CERT1: variants seen among roughly 807,000 people sequenced by gnomAD.
CERT1 encodes ceramide transfer protein.
CERT1 carries 31 observed loss-of-function variants against 87.9 expected under a neutral mutation model. That is an observed-to-expected ratio of 0.35 (90% CI 0.27 to 0.48). The LOEUF is 0.48. CERT1 is among the 20% of genes least tolerant of loss of function. The pLI, the probability that CERT1 is intolerant of heterozygous loss-of-function variation, is 0.99. For missense variants in CERT1, 487 were observed against 758.0 expected (o/e 0.64, Z 4.20); for synonymous variants, 289 against 250.9 (o/e 1.15, Z -1.44).
At chr5:75,447,936 G>A (rs1489504036) in intron 3 of CERT1, among the ~76,000 whole-genome samples, 3 of 152,056 alleles carry the variant, frequency 2.0e-5, no homozygotes, top group Admixed American at 1.3e-4. Context: ...CATCATGCCC[G>A]GCTTGTATTT....
chr5:75,494,185 C>T (rs1233016989), intron 2 of CERT1, among the ~76,000 whole-genome samples: 5 of 152,174 alleles, frequency 3.3e-5, no homozygotes, highest in Non-Finnish European at 4.4e-5. Context: ...TCTTCTGACT[C>T]GAAACCCAAA....
At chr5:75,395,645 T>C (rs1283891667) in intron 11 of CERT1, among the ~76,000 whole-genome samples, 2 of 151,116 alleles carry the variant, frequency 1.3e-5, no homozygotes, top group Admixed American at 6.6e-5. Context: ...GCAGATCACT[T>C]GAGGTCAGGA....
downstream of CERT1, chr5:75,374,682 C>A: frequency 1.6e-6 from 1 of 618,188 alleles, no homozygotes; most frequent in Non-Finnish European, 3.1e-6. Context: ...AGCTATATTA[C>A]TGTGTGAGTT....
chr5:75,421,373 T>A (rs1260061076), intron 5 of CERT1, among the ~76,000 whole-genome samples: 2 of 152,240 alleles, frequency 1.3e-5, no homozygotes, highest in Non-Finnish European at 2.9e-5. Flanking sequence ...TTCATTTTTT[T>A]ATAACCACTT....
At chr5:75,376,575 TA>T (rs1761325166), downstream of CERT1, 1 of 152,176 alleles carries the variant, frequency 6.6e-6, no homozygotes, top group African/African-American at 2.4e-5. Flanking sequence ...TCAGAATCGA[TA>T]AGAAGTAATG....
downstream of CERT1, chr5:75,374,548 G>C: frequency 2.8e-6 from 2 of 715,810 alleles, no homozygotes; most frequent in East Asian, 5.4e-5. Flanking sequence ...CGTGCCTGAT[G>C]CGTGCCCAAG....
chr5:75,507,662 G>A (rs551989646), intron 1 of CERT1, among the ~76,000 whole-genome samples: 2 of 152,260 alleles, frequency 1.3e-5, no homozygotes, highest in East Asian at 1.9e-4. Context: ...CAGAGTTAGT[G>A]TATTAGATAT....
rs1174757487 is a variant in CERT1 at position 75,470,953 on chromosome 5, G to A, written c.232-11772C>T. Among the ~76,000 whole-genome samples the A allele has an allele frequency of 5.3e-5, 8 of 151,584 alleles. No individual in the cohort carries two copies. The East Asian group carries it at 9.7e-4, about 18-fold the overall frequency. ...TTTATACACTAACAATGAACTATCT[G>A]GGGAAAAAAAAGAAGAAAATAATCC... is the stretch of plus-strand genomic sequence containing the variant. On this transcript the variant is annotated intron_variant, in intron 2 of 16. Transcript: ENST00000643780.
chr5:75,404,786 A>C (rs1011662407), intron 8 of CERT1, among the ~76,000 whole-genome samples: 2 of 152,094 alleles, frequency 1.3e-5, no homozygotes, highest in African/African-American at 2.4e-5. Flanking sequence ...AGGAGGGGAG[A>C]TCACATGAGG....
intron 2 of CERT1, among the ~76,000 whole-genome samples, chr5:75,491,108 T>C (rs1766773933): frequency 6.6e-6 from 1 of 152,200 alleles, no homozygotes; most frequent in Non-Finnish European, 1.5e-5. Flanking sequence ...CCTAATTTTA[T>C]AAACTAAAGG....
At position 75,428,693 on chromosome 5, in the gene CERT1, AT is replaced by A. The variant is rs1313974463; in HGVS notation, c.349-2216del. Among the ~76,000 whole-genome samples, 17 of 151,970 alleles carry A rather than the reference AT, an allele frequency of 1.1e-4. No individual in the cohort carries two copies. The East Asian group carries it at 1.2e-3, about 10-fold the overall frequency. The stretch of plus-strand genomic sequence containing the variant: ...ACTCTGTCTCAAAAAAAAAAAAAAA[AT>A]ATTTACAAGAGGCAAAGATTATAAT... On this transcript the variant is annotated intron_variant, in intron 3 of 16. Transcript: ENST00000643780.
chr5:75,410,376 G>A (rs1353061101), intron 8 of CERT1, among the ~76,000 whole-genome samples: 1 of 152,088 alleles, frequency 6.6e-6, no homozygotes, highest in Non-Finnish European at 1.5e-5. Context: ...TTGGGAGGCT[G>A]AGGCGGGCGG....
At chr5:75,430,478 A>T (rs1236088309) in intron 3 of CERT1, among the ~76,000 whole-genome samples, 1 of 152,194 alleles carries the variant, frequency 6.6e-6, no homozygotes, top group Non-Finnish European at 1.5e-5. Context: ...ACTGATTTTT[A>T]AAAAAGACAA....
At chr5:75,434,827 G>C (rs922951851) in intron 3 of CERT1, among the ~76,000 whole-genome samples, 2 of 152,054 alleles carry the variant, frequency 1.3e-5, no homozygotes, top group Non-Finnish European at 1.5e-5. Context: ...TGTGGGATGA[G>C]TGGTAATGTC....
At chr5:75,469,552 A>T (rs1443107855) in intron 2 of CERT1, among the ~76,000 whole-genome samples, 1 of 151,212 alleles carries the variant, frequency 6.6e-6, no homozygotes, top group African/African-American at 2.4e-5. Flanking sequence ...TAAAATAACT[A>T]TTTTTTTTTG....
chr5:75,466,477 T>G (rs1408769229), intron 2 of CERT1, among the ~76,000 whole-genome samples: 1 of 152,202 alleles, frequency 6.6e-6, no homozygotes, highest in Non-Finnish European at 1.5e-5. Context: ...ACACGAGCTA[T>G]AATCCCCCTT....
downstream of CERT1, chr5:75,373,842 T>C (rs537107053): frequency 4.4e-5 from 16 of 361,932 alleles, no homozygotes; most frequent in East Asian, 4.4e-4. Context: ...GGCCGGACCA[T>C]AGTAAATTAA....
intron 5 of CERT1, among the ~76,000 whole-genome samples, chr5:75,420,584 T>A (rs536002794): frequency 3.0e-4 from 46 of 152,162 alleles, no homozygotes; most frequent in African/African-American, 1.1e-3. Flanking sequence ...CTGACCATGA[T>A]ATCAATTTTC....
Position 75,408,492 on chromosome 5 carries a change from C to T in CERT1, c.930+2519G>A, listed in dbSNP as rs1288535260. On this transcript the variant is annotated intron_variant, in intron 8 of 16. Transcript: ENST00000643780. ...TATTGGGCCGTGAGAAATAGCAGCC[C>T]GAACCTCAGTTTGGTCCCAGAACAA... Among the ~76,000 whole-genome samples the T allele has an allele frequency of 9.9e-5, 15 of 152,152 alleles. No individual in the cohort carries two copies. The East Asian group carries it at 2.3e-3, about 24-fold the overall frequency.
Sources: gnomAD v4.1 joint callset for allele counts (sites outside exome capture counted in the v4.1 genomes callset) on GRCh38, gnomAD v4.1.1 for gene constraint, MANE v1.5 for transcripts, NCBI Gene and HGNC (gene_info 2026-07-23, HGNC 2026-07-21) for gene names.